Variants in PIEZO1 observed in about 807,000 individuals in gnomAD.
PIEZO1 encodes the protein piezo type mechanosensitive ion channel component 1 (Er blood group).
PIEZO1 carries 296 observed loss-of-function variants against 297.2 expected under a neutral mutation model. The observed-to-expected ratio is 1.00, with a 90% CI of 0.91 to 1.10. The LOEUF is 1.10. Ranked by LOEUF, PIEZO1 falls within the 50% of genes least tolerant of loss-of-function variation. PIEZO1 has a pLI of 0.00. For synonymous variants in PIEZO1, 2,427 were observed against 1,507.5 expected (o/e 1.61, Z -14.13); for missense variants, 5,018 against 3,455.5 (o/e 1.45, Z -11.34).
At chr16:88,744,575 T>A (rs1439019663) in intron 2 of PIEZO1, among the ~76,000 whole-genome samples, 3 of 150,212 alleles carry the variant, frequency 2.0e-5, no homozygotes, top group African/African-American at 7.4e-5. Flanking sequence ...CCCACCCGCC[T>A]TGCCCTGCAC....
chr16:88,732,764 C>T, intron 19 of PIEZO1, 32 bp from the exon 20 acceptor site: 3 of 1,517,266 alleles, frequency 2.0e-6, no homozygotes, highest in Non-Finnish European at 8.9e-7. Context: ...GTGCCCCCTC[C>T]CAGGCCACAG....
chr16:88,719,700 C>A lies in PIEZO1; in HGVS notation c.6345G>T (p.Leu2115=). ...LFQGFRLVPF[L]VELRAVMDWV... is the part of the protein sequence containing the mutation. ...AGTCCATCACTGCCCGCAGCTCCACCAGGAACGGCACCAGCCGGAACCTGC... is the reference window on the plus strand; with the variant it reads ...AGTCCATCACTGCCCGCAGCTCCACAAGGAACGGCACCAGCCGGAACCTGC... Residue 2115 remains leucine (L), a synonymous_variant, in exon 44 of 51, where the codon CTG becomes CTT. Coordinates refer to ENST00000301015, the MANE Select transcript of PIEZO1 (RefSeq NM_001142864.4). 6.4e-7 allele frequency: 1 copy of A among 1,551,854 alleles called. No homozygotes were observed. Among genetic ancestry groups the A allele is most frequent in the Non-Finnish European group, 8.7e-7 (1 of 1,147,786 alleles).
intron 45 of PIEZO1, 32 bp downstream of exon 45, chr16:88,716,991 G>T: frequency 6.5e-7 from 1 of 1,548,404 alleles, no homozygotes. Context: ...CCCAGGGGAT[G>T]GGAATGGACA....
chr16:88,742,880 G>A, intron 2 of PIEZO1: 1 of 365,830 alleles, frequency 2.7e-6, no homozygotes, highest in Non-Finnish European at 5.5e-6. Flanking sequence ...GTGGGAGCAG[G>A]GCCATGATGG....
At chr16:88,755,695 G>C (rs1331573838) in intron 1 of PIEZO1, among the ~76,000 whole-genome samples, 2 of 152,216 alleles carry the variant, frequency 1.3e-5, no homozygotes, top group African/African-American at 4.8e-5. Flanking sequence ...ACCGAACGGT[G>C]GCGCCTACCC....
intron 9 of PIEZO1, 27 bp downstream of exon 9, chr16:88,737,701 G>A (rs1434963130): frequency 4.6e-6 from 7 of 1,534,180 alleles, no homozygotes; most frequent in Non-Finnish European, 6.1e-6. Context: ...CCCCCACGCT[G>A]GCGTCTCCAC....
At chr16:88,728,312 G>A (rs1236796068) in intron 22 of PIEZO1, among the ~76,000 whole-genome samples, 2 of 152,280 alleles carry the variant, frequency 1.3e-5, no homozygotes, top group Non-Finnish European at 2.9e-5. Flanking sequence ...TAAGGACTGA[G>A]GGCATGGATG....
chr16:88,765,938 T>C (rs1907156525), intron 1 of PIEZO1, among the ~76,000 whole-genome samples: 1 of 151,862 alleles, frequency 6.6e-6, no homozygotes, highest in Admixed American at 6.6e-5. Context: ...CCTCCCAAGG[T>C]GCTGGGGATA....
At chr16:88,781,398 C>A (rs1907930994) in intron 1 of PIEZO1, among the ~76,000 whole-genome samples, 1 of 152,246 alleles carries the variant, frequency 6.6e-6, no homozygotes, top group Non-Finnish European at 1.5e-5. Flanking sequence ...CCATCCTCAG[C>A]TCCTGGGCAG....
At position 88,742,769 on chromosome 16, in the gene PIEZO1, T is replaced by C. The variant is rs115704072; in HGVS notation, c.161-347A>G. 1,161 of 345,452 alleles carry C rather than the reference T, an allele frequency of 3.4e-3. 21 individuals are homozygous for C. Among genetic ancestry groups the C allele is most frequent in the African/African-American group, 0.023 (1,100 of 46,846 alleles). 21.4% of individuals were successfully genotyped at this position (345,452 alleles called of 1,614,324 possible). A position where few individuals can be genotyped will look rare whatever the true frequency, so the allele number is the denominator to read the frequency against. ...CGTTCAGTTGTGGAAGCAGAGGAAA[T>C]AGACACAAGGAGAGGCAAGAAGCTC... On this transcript the variant is annotated intron_variant, in intron 2 of 50. Transcript: ENST00000301015.
At chr16:88,736,604 G>A (rs544880285) in intron 11 of PIEZO1, 35 bp downstream of exon 11, 2 of 1,506,462 alleles carry the variant, frequency 1.3e-6, no homozygotes, top group South Asian at 2.5e-5. Context: ...GCGCGGCAGA[G>A]GGGGCCGCCC....
Position 88,731,798 on chromosome 16 carries a change from G to A in PIEZO1, c.3104C>T (p.Ala1035Val), listed in dbSNP as rs762537822. 5.2e-6 allele frequency: 8 copies of A among 1,548,950 alleles called. No individual in the cohort carries two copies. Among genetic ancestry groups the A allele is most frequent in the Non-Finnish European group, 6.1e-6 (7 of 1,146,508 alleles). The change falls in exon 22 of 51, where the codon GCC becomes GTC. Residue 1035 changes from alanine (A) to valine (V), a missense_variant. Coordinates refer to ENST00000301015, the MANE Select transcript of PIEZO1 (RefSeq NM_001142864.4). The stretch of plus-strand genomic sequence containing the variant: ...GAGGCAGTAGTTGGGCCAGAGGCGG[G>A]CAATGGCCTGGCGGTGCCTGCGGGT... ...ILTRRHRQAI[A>V]RLWPNYCLFL...
intron 21 of PIEZO1, 124 bp downstream of exon 21, chr16:88,732,211 C>T (rs1424153192): frequency 2.5e-6 from 2 of 803,686 alleles, no homozygotes; most frequent in Admixed American, 2.3e-5. Context: ...GCCCTGAGTC[C>T]CCCACCCTCT....
chr16:88,782,593 T>A (rs1907984612), intron 1 of PIEZO1, among the ~76,000 whole-genome samples: 1 of 152,142 alleles, frequency 6.6e-6, no homozygotes, highest in African/African-American at 2.4e-5. Flanking sequence ...CCAGGATGAC[T>A]CAAACCCTCA....
At chr16:88,776,949 C>T (rs562536142) in intron 1 of PIEZO1, among the ~76,000 whole-genome samples, 1 of 152,202 alleles carries the variant, frequency 6.6e-6, no homozygotes, top group Non-Finnish European at 1.5e-5. Context: ...GAAGGGCCTG[C>T]ACCAGGCTGA....
rs532112751 is a variant in PIEZO1 at position 88,726,330 on chromosome 16, G to A, written c.3922C>T (p.Leu1308=). ...GCCTGGAGGTCGGCCCTGACGTGCA[G>A]GTAGTAATGGCTAAGGAAGACGCGG... ...QRRVFLSHYY[L]HVRADLQATA... The change falls in exon 27 of 51, where the codon CTG becomes TTG. Residue 1308 remains leucine, a synonymous_variant. Coordinates refer to ENST00000301015, the MANE Select transcript of PIEZO1 (RefSeq NM_001142864.4). 4.5e-6 allele frequency: 7 copies of A among 1,550,296 alleles called. No individual in the cohort carries two copies. Among genetic ancestry groups the A allele is most frequent in the Non-Finnish European group, 6.1e-6 (7 of 1,146,954 alleles).
chr16:88,768,577 C>G (rs1423051998), intron 1 of PIEZO1, among the ~76,000 whole-genome samples: 5 of 152,234 alleles, frequency 3.3e-5, no homozygotes, highest in African/African-American at 1.2e-4. Context: ...CCGGGTGGCC[C>G]TGACAAGCAG....
At chr16:88,757,627 C>T (rs1005053193) in intron 1 of PIEZO1, among the ~76,000 whole-genome samples, 3 of 152,116 alleles carry the variant, frequency 2.0e-5, no homozygotes, top group African/African-American at 7.2e-5. Context: ...GTTGAAGCTT[C>T]GTCACCTGGG....
Position 88,766,117 on chromosome 16 carries a change from G to A in PIEZO1, c.65-16638C>T, listed in dbSNP as rs555456984. Among the ~76,000 whole-genome samples the A allele has an allele frequency of 7.2e-5, 11 of 152,338 alleles. 1 individual carries two copies. In the South Asian group the frequency reaches 1.9e-3, roughly 26 times the overall value. On this transcript the variant is annotated intron_variant, in intron 1 of 50. Coordinates refer to ENST00000301015, the MANE Select transcript of PIEZO1 (RefSeq NM_001142864.4). ...GGGTGGGGTGTGAGGGTTGATTCAT[G>A]TGTCAGCGCTGCTGGGCCACGCTGC... is the stretch of plus-strand genomic sequence containing the variant.
Sources: allele counts gnomAD v4.1 joint callset (sites outside exome capture counted in the v4.1 genomes callset), GRCh38; gene constraint gnomAD v4.1.1; transcripts MANE v1.5; gene names NCBI Gene and HGNC (gene_info 2026-07-23, HGNC 2026-07-21).